SMAP1: variants seen among roughly 807,000 people sequenced by gnomAD.
The protein encoded by SMAP1 is small ArfGAP 1.
A neutral mutation model predicts 58.5 loss-of-function variants in SMAP1; 24 were observed. That is an observed-to-expected ratio of 0.41 (90% CI 0.30 to 0.58). SMAP1 has a LOEUF of 0.58. Ranked by LOEUF, SMAP1 falls within the 20% of genes least tolerant of loss-of-function variation. SMAP1 has a pLI of 0.29. For synonymous variants in SMAP1, 216 were observed against 196.6 expected (o/e 1.10, Z -0.82); for missense variants, 563 against 566.3 (o/e 0.99, Z 0.06).
At chr6:70,817,525 A>G (rs943761551) in intron 6 of SMAP1, among the ~76,000 whole-genome samples, 4 of 152,142 alleles carry the variant, frequency 2.6e-5, no homozygotes, top group African/African-American at 9.7e-5. Flanking sequence ...GCTGTGGACT[A>G]AGGTCTTCCC....
At chr6:70,732,300 G>A (rs1422407419) in intron 1 of SMAP1, 78 bp from the exon 2 acceptor site, 1 of 1,434,652 alleles carries the variant, frequency 7.0e-7, no homozygotes, top group Non-Finnish European at 9.3e-7. Flanking sequence ...ATAAAACCGA[G>A]AATGCTTCTA....
intron 1 of SMAP1, among the ~76,000 whole-genome samples, chr6:70,670,212 A>G (rs888394382): frequency 6.6e-5 from 10 of 152,200 alleles, no homozygotes; most frequent in Non-Finnish European, 1.5e-5. Flanking sequence ...CAAGAGTACA[A>G]GGGTGCAGCT....
At chr6:70,791,882 C>A in intron 5 of SMAP1, 113 bp downstream of exon 5, 3 of 829,108 alleles carry the variant, frequency 3.6e-6, no homozygotes, top group Non-Finnish European at 3.6e-6. Context: ...TTGAATGATC[C>A]CTAGAATTAA....
At chr6:70,838,047 G>A (rs1449332926) in intron 7 of SMAP1, 1 of 514,168 alleles carries the variant, frequency 1.9e-6, no homozygotes, top group African/African-American at 2.1e-5. Context: ...TGAAAATAAG[G>A]CTTCAGTCCA....
At chr6:70,762,289 C>T (rs1766782963) in intron 3 of SMAP1, among the ~76,000 whole-genome samples, 1 of 152,094 alleles carries the variant, frequency 6.6e-6, no homozygotes, top group Non-Finnish European at 1.5e-5. Flanking sequence ...CAGCCATGTA[C>T]ATTCATTTAT....
rs1766091184 is a variant in SMAP1, at chr6:70,667,913, G to C, written c.-111G>C. 1 of 885,066 alleles carries C rather than the reference G, an allele frequency of 1.1e-6. No individual in the cohort carries two copies. The highest frequency in any genetic ancestry group is 3.1e-5 in the Admixed American group (1 of 32,182). The allele number at this position is 885,066 out of a possible 1,614,324, so 54.8% of individuals were successfully genotyped here. A position where few individuals can be genotyped will look rare whatever the true frequency, so the allele number is the denominator to read the frequency against. ...GTTCCAGCTGCCGCTGCCGCTTCCT[G>C]GGCTGAGTCCGCCCGCGGTCCCGGC... On this transcript the variant is annotated 5_prime_UTR_variant, in exon 1 of 11. Transcript: ENST00000370455.
At chr6:70,700,233 T>C (rs891086753) in intron 1 of SMAP1, among the ~76,000 whole-genome samples, 1 of 152,234 alleles carries the variant, frequency 6.6e-6, no homozygotes, top group African/African-American at 2.4e-5. Context: ...AAAAGCTCCC[T>C]GAGGCTTCCG....
At chr6:70,766,116 G>A (rs1277460978) in intron 3 of SMAP1, among the ~76,000 whole-genome samples, 1 of 152,194 alleles carries the variant, frequency 6.6e-6, no homozygotes, top group Non-Finnish European at 1.5e-5. Flanking sequence ...TGGTGTATAT[G>A]CGCCACATTT....
At chr6:70,726,874 G>GGGGT (rs1407481154) in intron 1 of SMAP1, among the ~76,000 whole-genome samples, 2 of 144,808 alleles carry the variant, frequency 1.4e-5, no homozygotes, top group African/African-American at 2.5e-5. Flanking sequence ...AAATTTTAGG[G>GGGGT]GTGTGTGTGT....
At chr6:70,788,249 A>G (rs1426914395) in intron 4 of SMAP1, among the ~76,000 whole-genome samples, 2 of 138,538 alleles carry the variant, frequency 1.4e-5, no homozygotes, top group Admixed American at 8.1e-5. Context: ...GAATTGAACG[A>G]TGAGAACACA....
At chr6:70,714,583 A>G (rs1056061632) in intron 1 of SMAP1, among the ~76,000 whole-genome samples, 1 of 151,890 alleles carries the variant, frequency 6.6e-6, no homozygotes, top group African/African-American at 2.4e-5. Flanking sequence ...TAGTACTTTT[A>G]TCTTTTAGGT....
At chr6:70,805,316 T>C (rs536284911) in intron 6 of SMAP1, among the ~76,000 whole-genome samples, 2 of 152,296 alleles carry the variant, frequency 1.3e-5, no homozygotes, top group Admixed American at 1.3e-4. Flanking sequence ...TGTGCATGCG[T>C]CACAAAGTTC....
chr6:70,755,171 A>C, intron 3 of SMAP1, 106 bp downstream of exon 3: 1 of 861,800 alleles, frequency 1.2e-6, no homozygotes, highest in Non-Finnish European at 1.8e-6. Flanking sequence ...TTATCACGCT[A>C]CTGTTCATTA....
chr6:70,744,184 T>TG (rs930145114), intron 2 of SMAP1, among the ~76,000 whole-genome samples: 5 of 151,940 alleles, frequency 3.3e-5, no homozygotes, highest in Admixed American at 6.6e-5. Flanking sequence ...TTTTTTTTTT[T>TG]TTGTTATACT....
At chr6:70,733,443 C>T (rs906179494) in intron 2 of SMAP1, among the ~76,000 whole-genome samples, 1 of 152,172 alleles carries the variant, frequency 6.6e-6, no homozygotes. Flanking sequence ...AGAAAACATA[C>T]TAGTTATATC....
At chr6:70,782,939 C>T (rs542604998) in intron 4 of SMAP1, among the ~76,000 whole-genome samples, 41 of 152,242 alleles carry the variant, frequency 2.7e-4, no homozygotes, top group African/African-American at 8.9e-4. Flanking sequence ...AGAGAGTAGT[C>T]GTTCTCCCAG....
chr6:70,837,708 C>T, intron 7 of SMAP1: 23 of 722,174 alleles, frequency 3.2e-5, no homozygotes, highest in South Asian at 1.9e-4. Context: ...AAAGAATTGG[C>T]TTGATGAAAG....
chr6:70,702,035 A>G (rs1454482617), intron 1 of SMAP1, among the ~76,000 whole-genome samples: 1 of 152,116 alleles, frequency 6.6e-6, no homozygotes, highest in South Asian at 2.1e-4. Flanking sequence ...TACTTTTAAG[A>G]TATTTTGCTG....
intron 8 of SMAP1, among the ~76,000 whole-genome samples, chr6:70,856,524 T>A (rs1771429994): frequency 6.6e-6 from 1 of 152,226 alleles, no homozygotes; most frequent in African/African-American, 2.4e-5. Context: ...AAGCAGTAGT[T>A]GCTATGGAGT....
Sources: allele counts gnomAD v4.1 joint callset (sites outside exome capture counted in the v4.1 genomes callset), GRCh38; gene constraint gnomAD v4.1.1; transcripts MANE v1.5; gene names NCBI Gene and HGNC (gene_info 2026-07-23, HGNC 2026-07-21).